Variants in PDLIM5 observed in about 807,000 individuals in gnomAD.
PDLIM5 encodes PDZ and LIM domain protein 5.
A neutral mutation model predicts 64.2 loss-of-function variants in PDLIM5; 34 were observed. That is an observed-to-expected ratio of 0.53 (90% CI 0.40 to 0.71). The LOEUF (loss-of-function observed/expected upper bound fraction) is 0.71, where lower values mean the gene tolerates loss of function less well. PDLIM5 is among the 30% of genes least tolerant of loss of function. PDLIM5 has a pLI of 0.00. For synonymous variants in PDLIM5, 253 were observed against 269.1 expected (o/e 0.94, Z 0.59); for missense variants, 683 against 733.6 (o/e 0.93, Z 0.80).
At chr4:94,662,291 A>C in intron 11 of PDLIM5, 131 bp from the exon 12 acceptor site, 1 of 494,712 alleles carries the variant, frequency 2.0e-6, no homozygotes, top group Non-Finnish European at 3.7e-6. Context: ...ATCTCCTGAA[A>C]TTTTTCAAAT....
chr4:94,455,384 T>G lies in PDLIM5; in HGVS notation c.96T>G (p.Ser32Arg). ...TCAACATGCCTCTGACAATCTCTAGTGTAAGTAAACTTTACAAATTTTATT... is the reference window on the plus strand; with the variant it reads ...TCAACATGCCTCTGACAATCTCTAGGGTAAGTAAACTTTACAAATTTTATT... The part of the protein sequence containing the change: ...KDFNMPLTIS[S>R]LKDGGKAAQA... Residue 32 changes from serine (S) to arginine (R), a missense_variant and splice_region_variant, in exon 2 of 13, where the codon AGT (serine) becomes AGG (arginine). Ser to Arg is a moderately radical substitution (Grantham distance 110, BLOSUM62 -1). Coordinates refer to ENST00000317968, the MANE Select transcript of PDLIM5 (RefSeq NM_006457.5). 6.3e-7 allele frequency: 1 copy of G among 1,594,610 alleles called. No individual in the cohort carries two copies. The highest frequency in any genetic ancestry group is 8.6e-7 in the Non-Finnish European group (1 of 1,162,206).
In PDLIM5 at chr4:94,494,432, G is replaced by GTT. The variant is rs61675663; in HGVS notation, c.97-29269_97-29268dup. Among the ~76,000 whole-genome samples, 605 of 70,738 alleles carry GTT rather than the reference G, an allele frequency of 8.6e-3. 8 individuals carry two copies. The highest frequency in any genetic ancestry group is 0.013 in the African/African-American group (302 of 22,634). 46.4% of individuals were successfully genotyped at this position (70,738 alleles called of 152,430 possible). Reference sequence around the variant, plus strand: ...AGCATTCACTAATTTTTTTTTTCTTGTTTTTTTTTTTTTTTTTTTTTTTTG... The same window carrying GTT: ...AGCATTCACTAATTTTTTTTTTCTTGTTTTTTTTTTTTTTTTTTTTTTTTTTG... On this transcript the variant is annotated intron_variant, in intron 2 of 12. Coordinates refer to ENST00000317968, the MANE Select transcript of PDLIM5 (RefSeq NM_006457.5).
At chr4:94,511,768 T>A (rs553061252) in intron 2 of PDLIM5, among the ~76,000 whole-genome samples, 6 of 152,228 alleles carry the variant, frequency 3.9e-5, no homozygotes, top group African/African-American at 1.4e-4. Flanking sequence ...AACATAATGA[T>A]CTCCACTTCC....
At chr4:94,493,479 T>C (rs1218873198) in intron 2 of PDLIM5, among the ~76,000 whole-genome samples, 1 of 152,108 alleles carries the variant, frequency 6.6e-6, no homozygotes, top group East Asian at 1.9e-4. Context: ...CTTGGATAAA[T>C]TTTTAAAAAT....
intron 3 of PDLIM5, among the ~76,000 whole-genome samples, chr4:94,525,472 C>T (rs576346760): frequency 7.2e-5 from 11 of 152,194 alleles, no homozygotes; most frequent in African/African-American, 2.6e-4. Flanking sequence ...CTGGTACCTT[C>T]CCAACATATT....
At chr4:94,473,717 T>A (rs985164849) in intron 2 of PDLIM5, among the ~76,000 whole-genome samples, 1 of 152,236 alleles carries the variant, frequency 6.6e-6, no homozygotes, top group African/African-American at 2.4e-5. Context: ...AAATATTTTC[T>A]CTCAAGTTTG....
At chr4:94,585,994 AC>A (rs371443987) in intron 6 of PDLIM5, among the ~76,000 whole-genome samples, 31 of 152,032 alleles carry the variant, frequency 2.0e-4, no homozygotes, top group African/African-American at 7.0e-4. Context: ...ACATGGTGAA[AC>A]CCCGCCTTTA....
chr4:94,550,192 C>T (rs1490273126), intron 3 of PDLIM5, among the ~76,000 whole-genome samples: 3 of 152,116 alleles, frequency 2.0e-5, no homozygotes, highest in Non-Finnish European at 4.4e-5. Context: ...TGCTTCAAGA[C>T]ATCTCCCTTG....
intron 11 of PDLIM5, among the ~76,000 whole-genome samples, chr4:94,659,486 ATGTGTGTATGTGTG>A (rs199958272): frequency 0.022 from 2,441 of 113,400 alleles, 92 homozygotes; most frequent in East Asian, 0.14. Context: ...TGTAGTATAT[ATGTGTGTATGTGTG>A]TGTGTGTGTG....
At chr4:94,535,197 G>A (rs1165518272) in intron 3 of PDLIM5, among the ~76,000 whole-genome samples, 1 of 152,144 alleles carries the variant, frequency 6.6e-6, no homozygotes, top group Non-Finnish European at 1.5e-5. Context: ...TTAGAGAAGT[G>A]AGAACTGAGC....
chr4:94,653,597 A>G (rs1237623232), intron 9 of PDLIM5, among the ~76,000 whole-genome samples: 1 of 152,100 alleles, frequency 6.6e-6, no homozygotes, highest in Non-Finnish European at 1.5e-5. Context: ...GTGTGTTAAA[A>G]ATCGGTCATG....
Position 94,604,950 on chromosome 4 carries a change from A to G in PDLIM5, c.921-13054A>G, listed in dbSNP as rs74867311. ...TGACCTTAGCAAGATGCAGTTTCAT[A>G]GAGTGTTGGGGGTTGGGGTCTAGTT... On this transcript the variant is annotated intron_variant, in intron 7 of 12. Coordinates refer to ENST00000317968, the MANE Select transcript of PDLIM5 (RefSeq NM_006457.5). 3.6e-3 allele frequency among the ~76,000 whole-genome samples: 549 copies of G among 152,318 alleles called. 16 individuals are homozygous for G. The East Asian group carries it at 0.074, about 21-fold the overall frequency.
chr4:94,566,821 A>G (rs1394500777), intron 3 of PDLIM5, among the ~76,000 whole-genome samples: 3 of 152,202 alleles, frequency 2.0e-5, no homozygotes, highest in Admixed American at 6.5e-5. Context: ...TGATACTACT[A>G]TTATCCTGTA....
intron 3 of PDLIM5, among the ~76,000 whole-genome samples, chr4:94,524,561 G>A (rs901462982): frequency 2.0e-5 from 3 of 149,072 alleles, no homozygotes; most frequent in African/African-American, 7.4e-5. Flanking sequence ...TTTTTTTTCT[G>A]AGTAGAAAAT....
In PDLIM5 at chr4:94,665,565, A is replaced by AC. The variant is rs201923550; in HGVS notation, c.*1504dup. The AC allele has an allele frequency of 2.2e-6, 2 of 913,994 alleles. No individual in the cohort carries two copies. The highest frequency in any genetic ancestry group is 1.3e-6 in the Non-Finnish European group (1 of 787,968). 56.6% of individuals were successfully genotyped at this position (913,994 alleles called of 1,614,324 possible). A position where few individuals can be genotyped will look rare whatever the true frequency, so the allele number is the denominator to read the frequency against. ...TGGGAATTGTGAATCAGAAGATTAT[A>AC]CCCCCCAATTGTTTTTCAATCCCCT... On this transcript the variant is annotated 3_prime_UTR_variant, in exon 13 of 13. Coordinates refer to ENST00000317968, the MANE Select transcript of PDLIM5 (RefSeq NM_006457.5).
rs183434279 is a variant in PDLIM5 at position 94,656,103 on chromosome 4, A to G, written c.1465-1324A>G. 9.9e-3 allele frequency among the ~76,000 whole-genome samples: 1,511 copies of G among 152,346 alleles called. 7 individuals are homozygous for G. The highest frequency in any genetic ancestry group is 0.016 in the Non-Finnish European group (1,104 of 68,012). ...GTTCACTCAAGCACAATTAGAAAAC[A>G]CAAAAAATTTAAAGAATAAATTTAA... On this transcript the variant is annotated intron_variant, in intron 10 of 12. Transcript: ENST00000317968.
intron 8 of PDLIM5, among the ~76,000 whole-genome samples, chr4:94,622,490 C>T (rs775274799): frequency 5.3e-5 from 8 of 152,148 alleles, no homozygotes; most frequent in Non-Finnish European, 1.0e-4. Flanking sequence ...AGAATATAAG[C>T]AATGCTTTGA....
chr4:94,564,673 T>TTTTTTTTTTG lies in PDLIM5; in HGVS notation c.249-8676_249-8675insTTTTTTTGTT, dbSNP rs1195951922. On this transcript the variant is annotated intron_variant, in intron 3 of 12. Transcript: ENST00000317968. ...TTTTGTCTCTTTTTTTTTTTTTTTT[T>TTTTTTTTTTG]TTGACAGAGTCTTGCTTTGTCTCCC... Among the ~76,000 whole-genome samples the TTTTTTTTTTG allele has an allele frequency of 8.1e-3, 1,179 of 144,770 alleles. 47 individuals are homozygous for TTTTTTTTTTG. The highest frequency in any genetic ancestry group is 0.031 in the African/African-American group (1,119 of 35,972). 95.0% of individuals were successfully genotyped at this position (144,770 alleles called of 152,430 possible).
intron 3 of PDLIM5, among the ~76,000 whole-genome samples, chr4:94,559,494 G>A (rs1271186515): frequency 1.3e-5 from 2 of 152,214 alleles, no homozygotes; most frequent in Non-Finnish European, 2.9e-5. Flanking sequence ...GAACACTAAA[G>A]CATCAGCATA....
Sources: allele counts gnomAD v4.1 joint callset (sites outside exome capture counted in the v4.1 genomes callset), GRCh38; gene constraint gnomAD v4.1.1; transcripts MANE v1.5; gene names NCBI Gene and HGNC (gene_info 2026-07-23, HGNC 2026-07-21).